PCDHA3: variants seen among roughly 807,000 people sequenced by gnomAD.
PCDHA3 encodes protocadherin alpha-3.
Under a neutral mutation model 62.2 loss-of-function variants are expected in PCDHA3, and 41 were observed. The ratio of observed to expected loss-of-function variants is 0.66; its 90% confidence interval spans 0.51 to 0.86. The LOEUF (loss-of-function observed/expected upper bound fraction) is 0.86. PCDHA3 is among the 40% of genes least tolerant of loss of function. The pLI is 0.00. For missense variants in PCDHA3, 1,304 were observed against 1,241.2 expected (o/e 1.05, Z -0.76); for synonymous variants, 640 against 555.4 (o/e 1.15, Z -2.14).
At position 140,835,760 on chromosome 5, in the gene PCDHA3, G is replaced by A. The variant is rs2150244250; in HGVS notation, c.2394+32169G>A. On this transcript the variant is annotated intron_variant, in intron 1 of 3. Coordinates refer to ENST00000522353, the MANE Select transcript of PCDHA3 (RefSeq NM_018906.3). ...ACGCCCCGGCGTTCGCGCAGCCCGAGTATACGGTGTTCGTGAAGGAGAACA... is the reference window on the plus strand; with the variant it reads ...ACGCCCCGGCGTTCGCGCAGCCCGAATATACGGTGTTCGTGAAGGAGAACA... 15 of 1,613,420 alleles carry A rather than the reference G, an allele frequency of 9.3e-6. 1 individual carries two copies. The East Asian group carries it at 3.3e-4, about 36-fold the overall frequency.
At chr5:140,886,107 G>T (rs1340579685) in intron 1 of PCDHA3, among the ~76,000 whole-genome samples, 2 of 152,142 alleles carry the variant, frequency 1.3e-5, no homozygotes, top group Non-Finnish European at 2.9e-5. Flanking sequence ...ATACAGTAAA[G>T]AAGTAACATA....
intron 1 of PCDHA3, chr5:140,807,749 CT>C (rs1764025212): frequency 6.2e-7 from 1 of 1,614,138 alleles, no homozygotes; most frequent in Non-Finnish European, 8.5e-7. Flanking sequence ...TGATGACGAG[CT>C]GGTAAAAGGT....
chr5:140,962,512 AATAAT>A (rs2095688598), intron 1 of PCDHA3, among the ~76,000 whole-genome samples: 1 of 152,184 alleles, frequency 6.6e-6, no homozygotes, highest in Admixed American at 6.5e-5. Flanking sequence ...GCCAACTATC[AATAAT>A]ATATTAGTTT....
chr5:140,922,085 AT>A (rs1453055437), intron 1 of PCDHA3, among the ~76,000 whole-genome samples: 1 of 152,194 alleles, frequency 6.6e-6, no homozygotes, highest in Non-Finnish European at 1.5e-5. Context: ...AAAAAGTGGT[AT>A]TTCTACCAAC....
chr5:140,819,371 G>A (rs1180027831), intron 1 of PCDHA3, among the ~76,000 whole-genome samples: 2 of 152,040 alleles, frequency 1.3e-5, no homozygotes, highest in Admixed American at 6.5e-5. Flanking sequence ...TCTTGTGTTA[G>A]TATATTTCTA....
At chr5:140,997,142 G>A (rs1038632915) in intron 3 of PCDHA3, among the ~76,000 whole-genome samples, 40 of 151,426 alleles carry the variant, frequency 2.6e-4, no homozygotes, top group African/African-American at 2.7e-4. Flanking sequence ...CCACACCCCC[G>A]CCACAGTGAC....
chr5:140,856,728 T>A (rs782022822), intron 1 of PCDHA3: 1 of 1,595,848 alleles, frequency 6.3e-7, no homozygotes, highest in Middle Eastern at 1.7e-4. Flanking sequence ...TCTGTTTCTC[T>A]GCTGATCCTG....
intron 1 of PCDHA3, among the ~76,000 whole-genome samples, chr5:140,923,036 T>C (rs868918813): frequency 1.3e-5 from 2 of 152,196 alleles, no homozygotes; most frequent in Non-Finnish European, 2.9e-5. Context: ...TATTACTACA[T>C]GTATAGTATT....
chr5:140,991,534 T>C (rs1393603513), intron 3 of PCDHA3, among the ~76,000 whole-genome samples: 1 of 152,236 alleles, frequency 6.6e-6, no homozygotes, highest in African/African-American at 2.4e-5. Context: ...CTTGCCACTA[T>C]ATAACAAGGA....
At chr5:140,882,279 C>A (rs1456228410) in intron 1 of PCDHA3, 1 of 1,612,386 alleles carries the variant, frequency 6.2e-7, no homozygotes, top group Non-Finnish European at 8.5e-7. Context: ...ATGCTGTCTT[C>A]CTGGCAAGGA....
chr5:140,850,398 C>T, intron 1 of PCDHA3: 2 of 1,597,936 alleles, frequency 1.3e-6, no homozygotes, highest in Non-Finnish European at 1.7e-6. Flanking sequence ...CAGCACAACG[C>T]GTGCCCTGGA....
At chr5:140,991,985 A>G (rs114196704) in intron 3 of PCDHA3, among the ~76,000 whole-genome samples, 1,827 of 150,246 alleles carry the variant, frequency 0.012, 17 homozygotes, top group Non-Finnish European at 0.019. Context: ...TCTGCCTACC[A>G]CCCGGTCTTT....
intron 1 of PCDHA3, chr5:140,864,877 T>C (rs1475391841): frequency 6.6e-6 from 1 of 152,220 alleles, no homozygotes; most frequent in Non-Finnish European, 1.5e-5. Flanking sequence ...CCATTGTCTG[T>C]GTTCATTAAG....
At chr5:140,930,778 T>G (rs891094443) in intron 1 of PCDHA3, among the ~76,000 whole-genome samples, 1 of 152,200 alleles carries the variant, frequency 6.6e-6, no homozygotes, top group African/African-American at 2.4e-5. Flanking sequence ...CTTAATATTT[T>G]CACAATATAA....
rs1554124633 is a variant in PCDHA3, at chr5:140,808,555, G to T, written c.2394+4964G>T. ...TGAACGACAACGCTCCGGCGTTCGC[G>T]CAGCCCGAGTACACAGTGTTCGTGA... On this transcript the variant is annotated intron_variant, in intron 1 of 3. Coordinates refer to ENST00000522353, the MANE Select transcript of PCDHA3 (RefSeq NM_018906.3). 3 of 1,614,096 alleles carry T rather than the reference G, an allele frequency of 1.9e-6. No homozygotes were observed. In the South Asian group the frequency reaches 3.3e-5, roughly 18 times the overall value.
chr5:140,889,400 A>T (rs187751360), intron 1 of PCDHA3, among the ~76,000 whole-genome samples: 1 of 152,050 alleles, frequency 6.6e-6, no homozygotes, highest in Admixed American at 6.5e-5. Context: ...AGTTTAATTT[A>T]CTCGAGTCAG....
At position 140,808,133 on chromosome 5, in the gene PCDHA3, T is replaced by C. The variant is rs782108978; in HGVS notation, c.2394+4542T>C. 15 of 1,614,078 alleles carry C rather than the reference T, an allele frequency of 9.3e-6. No homozygotes were observed. Among genetic ancestry groups the C allele is most frequent in the Non-Finnish European group, 1.3e-5 (15 of 1,179,886 alleles). On this transcript the variant is annotated intron_variant, in intron 1 of 3. Coordinates refer to ENST00000522353, the MANE Select transcript of PCDHA3 (RefSeq NM_018906.3). ...TATTGACTTTGAAGAAAGCAAATCC[T>C]ATGAAATTATTGTAGAGGGCATTGA...
At position 140,855,852 on chromosome 5, in the gene PCDHA3, G is replaced by A. The variant is rs1233260488; in HGVS notation, c.2394+52261G>A. 21 of 674,672 alleles carry A rather than the reference G, an allele frequency of 3.1e-5. 2 individuals carry two copies. The highest frequency in any genetic ancestry group is 4.6e-5 in the Non-Finnish European group (19 of 409,080). 41.8% of individuals were successfully genotyped at this position (674,672 alleles called of 1,614,324 possible). On this transcript the variant is annotated intron_variant, in intron 1 of 3. Coordinates refer to ENST00000522353, the MANE Select transcript of PCDHA3 (RefSeq NM_018906.3). The stretch of plus-strand genomic sequence containing the variant: ...ATCGTACTTACACCTAAAGCCACCG[G>A]ATGTCGCTGTCGTCCACAAAATAGC...
intron 1 of PCDHA3, chr5:140,824,015 G>A (rs2150131495): frequency 5.0e-6 from 8 of 1,614,014 alleles, no homozygotes; most frequent in Non-Finnish European, 6.8e-6. Flanking sequence ...GTGGGGAGCT[G>A]GTCGTACTCG....
Sources: allele counts gnomAD v4.1 joint callset (sites outside exome capture counted in the v4.1 genomes callset), GRCh38; gene constraint gnomAD v4.1.1; transcripts MANE v1.5; gene names NCBI Gene and HGNC (gene_info 2026-07-23, HGNC 2026-07-21).